Variants in HNF4G observed in about 807,000 individuals in gnomAD.
HNF4G encodes the protein hepatocyte nuclear factor 4-gamma.
In HNF4G, 21 loss-of-function variants were observed where a neutral mutation model predicts 50.9. That is an observed-to-expected ratio of 0.41 (90% confidence interval 0.29 to 0.59). The LOEUF (loss-of-function observed/expected upper bound fraction) is 0.59. HNF4G is among the 20% of genes least tolerant of loss of function. The probability of loss-of-function intolerance (pLI) is 0.26; values close to 1 mark genes in which losing one functional copy is unlikely to be tolerated. For missense variants in HNF4G, 527 were observed against 559.4 expected (o/e 0.94, Z 0.58); for synonymous variants, 198 against 185.6 (o/e 1.07, Z -0.54).
intron 2 of HNF4G, among the ~76,000 whole-genome samples, chr8:75,523,481 A>G (rs544391742): frequency 6.6e-6 from 1 of 152,262 alleles, no homozygotes; most frequent in East Asian, 1.9e-4. Context: ...CCAGTCATAC[A>G]CACAAAACAC....
At position 75,524,268 on chromosome 8, in the gene HNF4G, A is replaced by T. The variant is rs138910682; in HGVS notation, c.-23-19543A>T. 9.0e-3 allele frequency among the ~76,000 whole-genome samples: 1,373 copies of T among 152,284 alleles called. 13 individuals carry two copies. The highest frequency in any genetic ancestry group is 0.014 in the Non-Finnish European group (965 of 67,988). On this transcript the variant is annotated intron_variant, in intron 2 of 10. Transcript: ENST00000354370. Reference sequence around the variant, plus strand: ...ATCAGGTACCATAAGATATATGAATAACTACGCAAAGTTATAATGTAAAGA... The same window carrying T: ...ATCAGGTACCATAAGATATATGAATTACTACGCAAAGTTATAATGTAAAGA...
In HNF4G at chr8:75,547,489, C is replaced by T. The variant is rs1806820097; in HGVS notation, c.288-98C>T. 3.4e-6 allele frequency: 3 copies of T among 881,112 alleles called. No individual in the cohort carries two copies. In the Admixed American group the frequency reaches 6.4e-5, roughly 19 times the overall value. 54.6% of individuals were successfully genotyped at this position (881,112 alleles called of 1,614,324 possible). ...GTTCCTATACCTTCTTTTTATCGAACCGAATTTGACAATACATATTTAAAA... is the reference window on the plus strand; with the variant it reads ...GTTCCTATACCTTCTTTTTATCGAATCGAATTTGACAATACATATTTAAAA... On this transcript the variant is annotated intron_variant, in intron 2 of 9. Transcript: ENST00000396423.
At chr8:75,525,309 C>T (rs1806149019) in intron 2 of HNF4G, among the ~76,000 whole-genome samples, 1 of 152,148 alleles carries the variant, frequency 6.6e-6, no homozygotes, top group Non-Finnish European at 1.5e-5. Flanking sequence ...GCTGGGATTA[C>T]AGGCACTCGC....
intron 2 of HNF4G, among the ~76,000 whole-genome samples, chr8:75,509,284 T>C (rs1035840474): frequency 3.9e-5 from 6 of 152,142 alleles, no homozygotes; most frequent in African/African-American, 1.4e-4. Flanking sequence ...TGAGCCAACA[T>C]GACAAAGAAG....
At position 75,511,135 on chromosome 8, in the gene HNF4G, G is replaced by A. The variant is rs572808495; in HGVS notation, c.-24+20927G>A. 1.4e-3 allele frequency among the ~76,000 whole-genome samples: 210 copies of A among 152,004 alleles called. 1 individual carries two copies. The highest frequency in any genetic ancestry group is 4.4e-3 in the African/African-American group (183 of 41,476). The stretch of plus-strand genomic sequence containing the variant: ...ATTATTATTATATTCTAAAAGCCTT[G>A]CTTTTTACATGTAAGTCATTAATCT... On this transcript the variant is annotated intron_variant, in intron 2 of 10. Coordinates refer to the HNF4G transcript ENST00000354370.
intron 2 of HNF4G, among the ~76,000 whole-genome samples, chr8:75,507,832 C>T (rs1192164632): frequency 1.3e-5 from 2 of 151,910 alleles, no homozygotes; most frequent in African/African-American, 2.4e-5. Context: ...AAGTTTAAGA[C>T]AATTTTAAAC....
In HNF4G at chr8:75,558,923, C is replaced by T. The variant is rs1415943791; in HGVS notation, c.1009C>T (p.Leu337=). 6.2e-7 allele frequency: 1 copy of T among 1,614,030 alleles called. No homozygotes were observed. The highest frequency in any genetic ancestry group is 8.5e-7 in the Non-Finnish European group (1 of 1,179,948). ...CCGGGGGAGGTTTGGAGAGTTGCTT[C>T]TGCTCCTGCCCACACTGCAGAGCAT... ...DSRGRFGELL[L]LLPTLQSITW... Residue 337 remains leucine (L), a synonymous_variant, in exon 8 of 10, where the codon CTG becomes TTG. Transcript: ENST00000396423.
In HNF4G at chr8:75,456,104, C is replaced by T. The variant is rs79021846; in HGVS notation, c.-143-33985C>T. On this transcript the variant is annotated intron_variant, in intron 1 of 10. Coordinates refer to the HNF4G transcript ENST00000354370. Reference sequence around the variant, plus strand: ...CTGGGGACGTCTTTGTTCAGAAGTACACAGAATTTTATAAACCTGTCCAGA... The same window carrying T: ...CTGGGGACGTCTTTGTTCAGAAGTATACAGAATTTTATAAACCTGTCCAGA... Among the ~76,000 whole-genome samples, 729 of 152,140 alleles carry T rather than the reference C, an allele frequency of 4.8e-3. 3 individuals are homozygous for T. Among genetic ancestry groups the T allele is most frequent in the Non-Finnish European group, 7.8e-3 (527 of 67,980 alleles).
At chr8:75,523,603 G>C (rs1806103865) in intron 2 of HNF4G, among the ~76,000 whole-genome samples, 1 of 152,066 alleles carries the variant, frequency 6.6e-6, no homozygotes, top group African/African-American at 2.4e-5. Context: ...TAAATGTATG[G>C]GGAAACTGGT....
chr8:75,426,636 A>T (rs936555551), intron 1 of HNF4G, among the ~76,000 whole-genome samples: 16 of 152,190 alleles, frequency 1.1e-4, no homozygotes, highest in African/African-American at 3.9e-4. Context: ...AGACCAGACA[A>T]TGTTTCCATT....
At chr8:75,560,313 C>T (rs1212499696) in intron 8 of HNF4G, 31 bp from the exon 9 acceptor site, 2 of 1,608,218 alleles carry the variant, frequency 1.2e-6, no homozygotes, top group African/African-American at 1.3e-5. Context: ...GATTAAATAT[C>T]ACTAACACAG....
At chr8:75,559,298 A>G (rs1807233965) in intron 8 of HNF4G, among the ~76,000 whole-genome samples, 1 of 149,384 alleles carries the variant, frequency 6.7e-6, no homozygotes, top group Non-Finnish European at 1.5e-5. Flanking sequence ...TTTTTAAGAC[A>G]GAGTCTCGCT....
intron 1 of HNF4G, among the ~76,000 whole-genome samples, chr8:75,452,154 G>A (rs915237725): frequency 6.6e-6 from 1 of 151,776 alleles, no homozygotes; most frequent in Non-Finnish European, 1.5e-5. Context: ...TGCCAAACTG[G>A]TATTCAACAA....
chr8:75,498,647 C>T (rs1178364578), intron 2 of HNF4G, among the ~76,000 whole-genome samples: 1 of 151,738 alleles, frequency 6.6e-6, no homozygotes, highest in African/African-American at 2.4e-5. Context: ...TGCAAAAAAT[C>T]CTCAACAAAA....
At chr8:75,545,870 AT>A (rs1806763580) in intron 2 of HNF4G, among the ~76,000 whole-genome samples, 1 of 152,038 alleles carries the variant, frequency 6.6e-6, no homozygotes, top group Admixed American at 6.6e-5. Flanking sequence ...TTTGTTATTA[AT>A]TTAATGTTAA....
At chr8:75,495,738 A>G (rs995888726) in intron 2 of HNF4G, among the ~76,000 whole-genome samples, 2 of 151,812 alleles carry the variant, frequency 1.3e-5, no homozygotes, top group African/African-American at 4.8e-5. Context: ...AAATTTCACC[A>G]TGTTGGCCAG....
chr8:75,562,447 T>C (rs1807340696), intron 9 of HNF4G, among the ~76,000 whole-genome samples: 1 of 152,024 alleles, frequency 6.6e-6, no homozygotes, highest in Non-Finnish European at 1.5e-5. Flanking sequence ...GATCTTACCA[T>C]TTTCATTTAA....
At chr8:75,451,333 T>G (rs1235864438) in intron 1 of HNF4G, among the ~76,000 whole-genome samples, 1 of 152,206 alleles carries the variant, frequency 6.6e-6, no homozygotes, top group African/African-American at 2.4e-5. Context: ...CAGCGCTTTT[T>G]AGTCTGATAT....
rs552716096 is a variant in HNF4G at position 75,426,771 on chromosome 8, C to T, written c.-144+18609C>T. ...GGTTGTTTAGTGAAAAGAATAGATG[C>T]GAAGAGGTAATGATTGGCTAAGTAC... On this transcript the variant is annotated intron_variant, in intron 1 of 10. Coordinates refer to the HNF4G transcript ENST00000354370. 3.0e-4 allele frequency among the ~76,000 whole-genome samples: 46 copies of T among 152,098 alleles called. No homozygotes were observed. The South Asian group carries it at 8.9e-3, about 29-fold the overall frequency.
Sources: gnomAD v4.1 joint callset for allele counts (sites outside exome capture counted in the v4.1 genomes callset) on GRCh38, gnomAD v4.1.1 for gene constraint, MANE v1.5 for transcripts, NCBI Gene and HGNC (gene_info 2026-07-23, HGNC 2026-07-21) for gene names.